SEL1L2: variants seen among roughly 807,000 people sequenced by gnomAD.
SEL1L2 encodes the protein protein sel-1 homolog 2.
A neutral mutation model predicts 98.8 loss-of-function variants in SEL1L2; 89 were observed. The observed-to-expected ratio is 0.90, with a 90% CI of 0.76 to 1.07. The LOEUF is 1.07. Among genes scored for constraint, SEL1L2 ranks in the 50% least tolerant of loss-of-function variants. SEL1L2 has a pLI of 0.00. For synonymous variants in SEL1L2, 262 were observed against 278.5 expected (o/e 0.94, Z 0.59); for missense variants, 788 against 812.0 (o/e 0.97, Z 0.36).
chr20:13,897,444 A>G (rs766140843), intron 5 of SEL1L2, among the ~76,000 whole-genome samples: 1 of 152,228 alleles, frequency 6.6e-6, no homozygotes, highest in Admixed American at 6.5e-5. Flanking sequence ...AAAGGAAACA[A>G]TTGATACAGT....
At position 13,865,359 on chromosome 20, in the gene SEL1L2, A is replaced by C. The variant is rs756476566; in HGVS notation, c.1560T>G (p.Ile520Met). Residue 520 changes from isoleucine to methionine, a missense_variant, in exon 16 of 20, where the codon ATT becomes ATG. Coordinates refer to ENST00000284951, the MANE Select transcript of SEL1L2 (RefSeq NM_025229.2). ...TTTAACTCATCTTACTAGATTCCAAAATGAATGCTGAATTGCTTTGAGCTA... is the reference window on the plus strand; with the variant it reads ...TTTAACTCATCTTACTAGATTCCAACATGAATGCTGAATTGCTTTGAGCTA... ...YEVAQSNSAF[I>M]LESKKANILE... 1.9e-6 allele frequency: 3 copies of C among 1,614,042 alleles called. No individual in the cohort carries two copies. The highest frequency in any genetic ancestry group is 2.5e-6 in the Non-Finnish European group (3 of 1,179,938).
chr20:13,949,871 T>C (rs972432827), intron 2 of SEL1L2, among the ~76,000 whole-genome samples: 1 of 152,110 alleles, frequency 6.6e-6, no homozygotes, highest in African/African-American at 2.4e-5. Context: ...CCAAAAGAAT[T>C]GAAACAGGGT....
At chr20:13,852,154 C>T (rs984121937) in intron 18 of SEL1L2, among the ~76,000 whole-genome samples, 7 of 152,138 alleles carry the variant, frequency 4.6e-5, no homozygotes, top group African/African-American at 9.7e-5. Flanking sequence ...ATGGGACATT[C>T]GGGGAAAATC....
chr20:13,855,171 C>A (rs1283145796), intron 18 of SEL1L2, among the ~76,000 whole-genome samples: 1 of 151,428 alleles, frequency 6.6e-6, no homozygotes, highest in Non-Finnish European at 1.5e-5. Context: ...GGGGTAAGAT[C>A]ATTCCAGCAA....
intron 1 of SEL1L2, among the ~76,000 whole-genome samples, chr20:13,960,479 A>G (rs1327391886): frequency 6.6e-6 from 1 of 152,214 alleles, no homozygotes; most frequent in East Asian, 1.9e-4. Flanking sequence ...GACAACAGCA[A>G]TTGTTCATTA....
intron 10 of SEL1L2, among the ~76,000 whole-genome samples, chr20:13,883,212 C>T (rs2046797183): frequency 6.6e-6 from 1 of 152,186 alleles, no homozygotes; most frequent in Admixed American, 6.5e-5. Flanking sequence ...CCAGCCTGTG[C>T]TTACCCGCAA....
chr20:13,983,023 C>CAAAAAAAAAAAAAAAA (rs57993052), intron 1 of SEL1L2, among the ~76,000 whole-genome samples: 787 of 15,556 alleles, frequency 0.051, 295 homozygotes, highest in Non-Finnish European at 0.083. Context: ...GACTCCATCT[C>CAAAAAAAAAAAAAAAA]AAAAAAAAAA....
intron 5 of SEL1L2, among the ~76,000 whole-genome samples, chr20:13,890,799 G>GAGAA (rs2148018067): frequency 6.6e-6 from 1 of 152,104 alleles, no homozygotes; most frequent in Non-Finnish European, 1.5e-5. Flanking sequence ...TGAACACAAT[G>GAGAA]AGAATATCAA....
intron 1 of SEL1L2, among the ~76,000 whole-genome samples, chr20:13,986,187 C>T (rs1361466993): frequency 6.6e-6 from 1 of 152,062 alleles, no homozygotes; most frequent in Admixed American, 6.5e-5. Context: ...TTATGTTTAA[C>T]CTTTTGAGGA....
chr20:13,874,309 T>C (rs2046337468), intron 12 of SEL1L2, among the ~76,000 whole-genome samples: 1 of 152,186 alleles, frequency 6.6e-6, no homozygotes, highest in African/African-American at 2.4e-5. Context: ...AAAAAAGTAG[T>C]AAGAGTGAGA....
chr20:13,989,598 G>T lies in SEL1L2; in HGVS notation c.58+879C>A, dbSNP rs114738511. On this transcript the variant is annotated intron_variant, in intron 1 of 19. Coordinates refer to ENST00000284951, the MANE Select transcript of SEL1L2 (RefSeq NM_025229.2). ...TTCACCATTAAATATAGTAGCTTTG[G>T]GTTTTCAATATCTTCTATCAGGTTG... is the stretch of plus-strand genomic sequence containing the variant. Among the ~76,000 whole-genome samples, 16 of 152,146 alleles carry T rather than the reference G, an allele frequency of 1.1e-4. No individual in the cohort carries two copies. In the East Asian group the frequency reaches 2.9e-3, roughly 28 times the overall value.
rs146283257 is a variant in SEL1L2 at position 13,905,522 on chromosome 20, G to A, written c.549+8260C>T. On this transcript the variant is annotated intron_variant, in intron 5 of 19. Coordinates refer to ENST00000284951, the MANE Select transcript of SEL1L2 (RefSeq NM_025229.2). ...GTAGAGACAGGGTTTCACCATGTTA[G>A]CCAGAATGGTCTCGATCTCCTGACC... Among the ~76,000 whole-genome samples, 640 of 152,052 alleles carry A rather than the reference G, an allele frequency of 4.2e-3. 3 individuals are homozygous for A. The highest frequency in any genetic ancestry group is 0.014 in the African/African-American group (588 of 41,478).
intron 5 of SEL1L2, among the ~76,000 whole-genome samples, chr20:13,896,941 G>T (rs1483171263): frequency 6.6e-6 from 1 of 152,146 alleles, no homozygotes; most frequent in Non-Finnish European, 1.5e-5. Context: ...AAAGAACCAT[G>T]CATAGCCAAA....
intron 1 of SEL1L2, among the ~76,000 whole-genome samples, chr20:13,983,948 G>A (rs1399039617): frequency 6.6e-6 from 1 of 151,994 alleles, no homozygotes; most frequent in Non-Finnish European, 1.5e-5. Flanking sequence ...CACAATCCAG[G>A]AAGAACTCTA....
At chr20:13,989,963 T>TA (rs2052460834) in intron 1 of SEL1L2, among the ~76,000 whole-genome samples, 1 of 152,086 alleles carries the variant, frequency 6.6e-6, no homozygotes, top group African/African-American at 2.4e-5. Flanking sequence ...AAAAAGTAAC[T>TA]AAAAAAATGG....
Position 13,944,632 on chromosome 20 carries a change from A to G in SEL1L2, c.114+11444T>C, listed in dbSNP as rs185028996. On this transcript the variant is annotated intron_variant, in intron 2 of 19. Transcript: ENST00000284951. ...TCAGATCCATTTTACACATCCCAGT[A>G]AACATGTGCCTGAAGTAGTTTGTGT... 1.5e-3 allele frequency among the ~76,000 whole-genome samples: 234 copies of G among 152,324 alleles called. 3 individuals carry two copies. Among genetic ancestry groups the G allele is most frequent in the Non-Finnish European group, 3.2e-4 (22 of 68,022 alleles).
At chr20:13,974,051 G>A (rs545982365) in intron 1 of SEL1L2, among the ~76,000 whole-genome samples, 2 of 152,158 alleles carry the variant, frequency 1.3e-5, no homozygotes, top group East Asian at 1.9e-4. Flanking sequence ...CACCTTGGAC[G>A]GGTCTAGAGT....
At chr20:13,984,974 C>G (rs1569089872) in intron 1 of SEL1L2, among the ~76,000 whole-genome samples, 2 of 152,130 alleles carry the variant, frequency 1.3e-5, no homozygotes, top group Non-Finnish European at 2.9e-5. Context: ...GCTCTTCTAG[C>G]TATTTGAAAA....
intron 10 of SEL1L2, among the ~76,000 whole-genome samples, chr20:13,882,926 C>T (rs2046779887): frequency 6.7e-6 from 1 of 149,658 alleles, no homozygotes; most frequent in South Asian, 2.1e-4. Context: ...ACGCCATTCT[C>T]CTGCCTCAGC....
Sources: gnomAD v4.1 joint callset for allele counts (sites outside exome capture counted in the v4.1 genomes callset) on GRCh38, gnomAD v4.1.1 for gene constraint, MANE v1.5 for transcripts, NCBI Gene and HGNC (gene_info 2026-07-23, HGNC 2026-07-21) for gene names.